Variants in TRPM2 observed in about 807,000 individuals in gnomAD.
TRPM2 encodes transient receptor potential cation channel subfamily M member 2, also known as estrogen-responsive element-associated gene 1 protein.
A neutral mutation model predicts 174.0 loss-of-function variants in TRPM2; 161 were observed. The ratio of observed to expected loss-of-function variants is 0.93; its 90% CI spans 0.81 to 1.05. TRPM2 has a LOEUF of 1.05. Ranked by LOEUF, TRPM2 falls within the 50% of genes least tolerant of loss-of-function variation. The pLI is 0.00. For synonymous variants in TRPM2, 954 were observed against 861.3 expected (o/e 1.11, Z -1.88); for missense variants, 2,057 against 2,038.0 (o/e 1.01, Z -0.18).
At chr21:44,394,317 CTTTTTTTTTT>C (rs35448660) in intron 11 of TRPM2, among the ~76,000 whole-genome samples, 3 of 112,672 alleles carry the variant, frequency 2.7e-5, no homozygotes, top group Middle Eastern at 0.011. Flanking sequence ...AAACACATTT[CTTTTTTTTTT>C]TTTTTTTTTT....
In TRPM2 at chr21:44,399,999, G is replaced by C. The variant is rs930793186; in HGVS notation, c.2209-260G>C. 2.0e-5 allele frequency among the ~76,000 whole-genome samples: 3 copies of C among 152,220 alleles called. No individual in the cohort carries two copies. Among genetic ancestry groups the C allele is most frequent in the African/African-American group, 7.2e-5 (3 of 41,450 alleles). ...GTCCTGTCCCCCACTGCAGAGCTCAGAGGGGCCAGTGCTCTACAGCCTGCA... is the reference window on the plus strand; with the variant it reads ...GTCCTGTCCCCCACTGCAGAGCTCACAGGGGCCAGTGCTCTACAGCCTGCA... On this transcript the variant is annotated intron_variant, in intron 14 of 31. Coordinates refer to ENST00000397928, the MANE Select transcript of TRPM2 (RefSeq NM_003307.4). The surrounding 1 kb of genome is among the most constrained non-coding windows in gnomAD (Gnocchi z 4.6).
Position 44,379,134 on chromosome 21 carries a change from C to A in TRPM2, c.1152C>A (p.Ser384Arg), listed in dbSNP as rs187815085. 4.1e-5 allele frequency: 66 copies of A among 1,613,590 alleles called. No homozygotes were observed. The East Asian group carries it at 1.3e-3, about 32-fold the overall frequency. ...TCTCCCTGATCCAGCAGAAACTGAG[C>A]GTGTTCTTCCAGGAGATGTTTGAGA... ...ITISLIQQKL[S>R]VFFQEMFETF... The change falls in exon 8 of 32, where the codon AGC becomes AGA. Residue 384 changes from serine (S) to arginine (R), a missense_variant. By Grantham distance (110) the Ser-to-Arg change is moderately radical. Transcript: ENST00000397928.
chr21:44,397,747 A>G lies in TRPM2; in HGVS notation c.1933A>G (p.Ser645Gly), dbSNP rs760954093. 14 of 1,577,818 alleles carry G rather than the reference A, an allele frequency of 8.9e-6. No homozygotes were observed. The highest frequency in any genetic ancestry group is 1.1e-5 in the Non-Finnish European group (13 of 1,160,842). ...RELAGIIWAQ[S>G]QDCIAAALAC... ...TCACGGTGGCTCCTCTGGTCCCCAG[A>G]GCCAGGACTGCATCGCAGCGGCCTT... The change falls in exon 13 of 32, where the codon AGC becomes GGC. Residue 645 changes from serine to glycine, a missense_variant and splice_region_variant. Ser to Gly is a moderately conservative substitution (Grantham distance 56). Transcript: ENST00000397928.
Position 44,439,487 on chromosome 21 carries a change from T to G in TRPM2, c.4269+319T>G, listed in dbSNP as rs2051409150. Among the ~76,000 whole-genome samples the G allele has an allele frequency of 6.6e-6, 1 of 151,950 alleles. No individual in the cohort carries two copies. Among genetic ancestry groups the G allele is most frequent in the Non-Finnish European group, 1.5e-5 (1 of 67,984 alleles). On this transcript the variant is annotated intron_variant, in intron 30 of 31. Transcript: ENST00000397928. This position sits in a 1 kb window ranked among gnomAD's most constrained non-coding sequence, Gnocchi z 5.1. ...GCTGCTTGGAGGCCTGGTGCCGCCC[T>G]CCTCCCCACATCCACCCTTGCCTCG...
At chr21:44,409,626 A>G (rs1569082928) in intron 19 of TRPM2, among the ~76,000 whole-genome samples, 5 of 108,378 alleles carry the variant, frequency 4.6e-5, no homozygotes, top group African/African-American at 1.4e-4. Flanking sequence ...TTTTGACTGC[A>G]CTGTCTTGGC....
chr21:44,414,400 G>A (rs1319742105), intron 20 of TRPM2, among the ~76,000 whole-genome samples: 1 of 152,230 alleles, frequency 6.6e-6, no homozygotes, highest in Non-Finnish European at 1.5e-5. Context: ...GGATGTTGGT[G>A]TCAGCCTCGT....
intron 27 of TRPM2, among the ~76,000 whole-genome samples, chr21:44,430,631 T>G (rs2050987519): frequency 1.8e-5 from 1 of 56,954 alleles, no homozygotes; most frequent in Non-Finnish European, 3.6e-5. Flanking sequence ...GGGTTTCACC[T>G]TGTTAGCCAG....
intron 11 of TRPM2, among the ~76,000 whole-genome samples, chr21:44,393,868 G>A (rs2049257776): frequency 6.6e-6 from 1 of 151,798 alleles, no homozygotes; most frequent in South Asian, 2.1e-4. Context: ...GGTATGACTT[G>A]GTTTCTTTGT....
chr21:44,409,697 C>T (rs796709688), intron 19 of TRPM2, among the ~76,000 whole-genome samples: 2 of 84,182 alleles, frequency 2.4e-5, no homozygotes, highest in African/African-American at 4.2e-5. Context: ...GAGTTTTGAC[C>T]ACACTGTCTT....
At position 44,440,779 on chromosome 21, in the gene TRPM2, G is replaced by T. The variant is rs1012233334; in HGVS notation, c.4270-10G>T. 3 of 1,612,434 alleles carry T rather than the reference G, an allele frequency of 1.9e-6. No homozygotes were observed. The highest frequency in any genetic ancestry group is 3.3e-5 in the Admixed American group (2 of 59,986). ...CTCGCTGTCGGGCTTACCCTGCCCT[G>T]CCCATCCAGGTGTACAAAGGCTACA... On this transcript the variant is annotated splice_polypyrimidine_tract_variant and intron_variant, in intron 30 of 31. Transcript: ENST00000397928.
chr21:44,391,305 C>T lies in TRPM2; in HGVS notation c.1474C>T (p.Leu492Phe). 1 of 1,614,116 alleles carries T rather than the reference C, an allele frequency of 6.2e-7. No individual in the cohort carries two copies. The highest frequency in any genetic ancestry group is 8.5e-7 in the Non-Finnish European group (1 of 1,180,036). The change falls in exon 11 of 32, where the codon CTC (leucine) becomes TTC (phenylalanine). Residue 492 changes from leucine to phenylalanine, a missense_variant. Physicochemically the swap from Leu to Phe is conservative, Grantham distance 22 (BLOSUM62 0). Transcript: ENST00000397928. This position sits in a 1 kb window ranked among gnomAD's most constrained non-coding sequence, Gnocchi z 5.0. Reference sequence around the variant, plus strand: ...TCTGCACCCCACGATGACAGCTGCACTCATCTCCAACAAGCCTGAGTTTGT... The same window carrying T: ...TCTGCACCCCACGATGACAGCTGCATTCATCTCCAACAAGCCTGAGTTTGT... ...SDLHPTMTAA[L>F]ISNKPEFVKL... is the part of the protein sequence containing the mutation.
rs1433281858 is a variant in TRPM2 at position 44,439,597 on chromosome 21, C to T, written c.4269+429C>T. Among the ~76,000 whole-genome samples the T allele has an allele frequency of 6.6e-6, 1 of 152,210 alleles. No homozygotes were observed. Among genetic ancestry groups the T allele is most frequent in the African/African-American group, 2.4e-5 (1 of 41,458 alleles). Reference sequence around the variant, plus strand: ...TCCCAAGCTCTGGAGGGGCCCTTCCCACATGCATGCCCAGCCTGGGGACCG... The same window carrying T: ...TCCCAAGCTCTGGAGGGGCCCTTCCTACATGCATGCCCAGCCTGGGGACCG... On this transcript the variant is annotated intron_variant, in intron 30 of 31. Transcript: ENST00000397928. The surrounding 1 kb of genome is among the most constrained non-coding windows in gnomAD (Gnocchi z 5.1).
intron 9 of TRPM2, among the ~76,000 whole-genome samples, chr21:44,389,700 T>C (rs569057020): frequency 2.5e-4 from 38 of 152,334 alleles, no homozygotes; most frequent in African/African-American, 8.9e-4. Context: ...CCTTCTGAAA[T>C]GTCTTTCAGA....
At position 44,390,848 on chromosome 21, in the gene TRPM2, A is replaced by G. The variant is rs1569050683; in HGVS notation, c.1319-56A>G. ...CCTGACTCTGACATCATTTCCCTGG[A>G]GGGAAATGGCTTTGAGCTCCAGATC... On this transcript the variant is annotated intron_variant, in intron 9 of 31. Transcript: ENST00000397928. 3.7e-6 allele frequency: 6 copies of G among 1,608,940 alleles called. No homozygotes were observed. In the East Asian group the frequency reaches 1.3e-4, roughly 36 times the overall value.
In TRPM2 at chr21:44,377,697, G is replaced by A. The variant is rs2048746892; in HGVS notation, c.953-15G>A. ...GTTTAGGTGTGGCCCTCACTCGGCTGTGTGCTTTTTCTAGGTGTGGCCATC... is the reference window on the plus strand; with the variant it reads ...GTTTAGGTGTGGCCCTCACTCGGCTATGTGCTTTTTCTAGGTGTGGCCATC... On this transcript the variant is annotated splice_polypyrimidine_tract_variant and intron_variant, in intron 6 of 31. Transcript: ENST00000397928. The A allele has an allele frequency of 1.2e-6, 2 of 1,613,918 alleles. No individual in the cohort carries two copies. The highest frequency in any genetic ancestry group is 8.5e-7 in the Non-Finnish European group (1 of 1,180,000).
At position 44,376,293 on chromosome 21, in the gene TRPM2, G is replaced by A. The variant is rs1434372142; in HGVS notation, c.952+280G>A. On this transcript the variant is annotated intron_variant, in intron 6 of 31. Transcript: ENST00000397928. The surrounding 1 kb of genome is among the most constrained non-coding windows in gnomAD (Gnocchi z 4.2). ...GAACACACCTGGGTTTCTTTCCCGT[G>A]TCTCTTTATACTTTGTTCCAGGAGG... Among the ~76,000 whole-genome samples the A allele has an allele frequency of 6.6e-6, 1 of 152,230 alleles. No homozygotes were observed. The highest frequency in any genetic ancestry group is 1.5e-5 in the Non-Finnish European group (1 of 68,044).
intron 22 of TRPM2, chr21:44,422,345 G>A: frequency 1.3e-6 from 2 of 1,536,158 alleles, no homozygotes; most frequent in African/African-American, 1.4e-5. Flanking sequence ...TCACGGTGGT[G>A]GAATCACGCG....
chr21:44,391,323 GA>G lies in TRPM2; in HGVS notation c.1493del (p.Glu498GlyfsTer3). 1 of 1,614,136 alleles carries G rather than the reference GA, an allele frequency of 6.2e-7. No individual in the cohort carries two copies. Among genetic ancestry groups the G allele is most frequent in the Non-Finnish European group, 8.5e-7 (1 of 1,180,036 alleles). On this transcript the variant is annotated frameshift_variant, in exon 11 of 32. Coordinates refer to ENST00000397928, the MANE Select transcript of TRPM2 (RefSeq NM_003307.4). LOFTEE classifies it high-confidence loss of function. The surrounding 1 kb of genome is among the most constrained non-coding windows in gnomAD (Gnocchi z 5.0). ...MTAALISNKPEFVKLFLENGV... is the reference protein window; with the variant it reads ...MTAALISNKPXFVKLFLENGV... ...AGCTGCACTCATCTCCAACAAGCCTGAGTTTGTGAAGCTCTTCCTGGAGAAC... is the reference window on the plus strand; with the variant it reads ...AGCTGCACTCATCTCCAACAAGCCTGGTTTGTGAAGCTCTTCCTGGAGAAC...
chr21:44,390,745 CTG>C (rs1235724793), intron 9 of TRPM2, among the ~76,000 whole-genome samples, 157 bp from the exon 10 acceptor site: 2 of 152,122 alleles, frequency 1.3e-5, no homozygotes, highest in Non-Finnish European at 2.9e-5. Context: ...TTTTGCAAGG[CTG>C]TGTGTATGGG....
Sources: gnomAD v4.1 joint callset for allele counts (sites outside exome capture counted in the v4.1 genomes callset) on GRCh38, gnomAD v4.1.1 for gene constraint, Gnocchi (gnomAD v3.1) non-coding constraint, MANE v1.5 for transcripts, NCBI Gene and HGNC (gene_info 2026-07-23, HGNC 2026-07-21) for gene names.